The following ANO7 variants were observed in gnomAD, a reference collection of about 807,000 sequenced individuals.
ANO7 encodes the protein anoctamin-7.
Under a neutral mutation model 115.8 loss-of-function variants are expected in ANO7, and 114 were observed. That is an observed-to-expected ratio of 0.98 (90% CI 0.85 to 1.15). The LOEUF is 1.15. Among genes scored for constraint, ANO7 ranks in the 50% most tolerant of loss-of-function variants. ANO7 has a pLI of 0.00. For synonymous variants in ANO7, 550 were observed against 498.2 expected (o/e 1.10, Z -1.38); for missense variants, 1,302 against 1,201.2 (o/e 1.08, Z -1.24).
chr2:241,190,353 C>T (rs1559436399), intron 2 of ANO7, among the ~76,000 whole-genome samples, 182 bp downstream of exon 2: 1 of 152,198 alleles, frequency 6.6e-6, no homozygotes, highest in African/African-American at 2.4e-5. Context: ...GATCACCGCT[C>T]TCCTGGCCTG....
intron 4 of ANO7, among the ~76,000 whole-genome samples, chr2:241,198,027 T>C (rs1243742615): frequency 1.3e-5 from 2 of 152,206 alleles, no homozygotes; most frequent in African/African-American, 4.8e-5. Context: ...GTGGCGTGTG[T>C]GACAGACATC....
At chr2:241,201,818 G>A (rs1357949097) in intron 7 of ANO7, among the ~76,000 whole-genome samples, 1 of 129,818 alleles carries the variant, frequency 7.7e-6, no homozygotes, top group Admixed American at 8.0e-5. Context: ...CAGGTAGGGG[G>A]CAGGGCACAC....
rs2068491014 is a variant in ANO7, at chr2:241,202,303, A to T, written c.722A>T (p.Asp241Val). 1 of 1,612,564 alleles carries T rather than the reference A, an allele frequency of 6.2e-7. No homozygotes were observed. Among genetic ancestry groups the T allele is most frequent in the Non-Finnish European group, 8.5e-7 (1 of 1,179,780 alleles). The change falls in exon 8 of 25, where the codon GAC becomes GTC. Residue 241 changes from aspartate to valine, a missense_variant and splice_region_variant. Physicochemically the swap from Asp to Val is radical, Grantham distance 152 (BLOSUM62 -3). Coordinates refer to ENST00000674324, the MANE Select transcript of ANO7 (RefSeq NM_001370694.2). ...CTCAGTGCCGCCTTCCCCCTGCATG[A>T]CGTGAGCTCGGGGGCTGGGGGCTCC... ...GVLSAAFPLHDGPFKTPPEGP... is the reference protein window; with the variant it reads ...GVLSAAFPLHVGPFKTPPEGP...
At chr2:241,239,508 C>G in the ANO7 span, 1 of 999,682 alleles carries the variant, frequency 1.0e-6, no homozygotes, top group South Asian at 1.4e-5. The surrounding 1 kb of genome is among the most constrained non-coding windows in gnomAD (Gnocchi z 4.6). Flanking sequence ...ATGAGGGAGT[C>G]ACCTCCCTAC....
rs369841112 is a variant in ANO7, at chr2:241,189,873, G to A, written c.-7-184G>A. 1.1e-4 allele frequency among the ~76,000 whole-genome samples: 17 copies of A among 152,276 alleles called. 1 individual carries two copies. The highest frequency in any genetic ancestry group is 6.2e-4 in the South Asian group (3 of 4,826). On this transcript the variant is annotated intron_variant, in intron 1 of 24. Coordinates refer to ENST00000674324, the MANE Select transcript of ANO7 (RefSeq NM_001370694.2). ...CGGCACTGGTTTCTTCCTGGAGCTC[G>A]TGGCTGGCTAGGGGGTTCTCCATGT...
intron 18 of ANO7, among the ~76,000 whole-genome samples, chr2:241,215,676 T>A (rs2068813829): frequency 6.6e-6 from 1 of 152,208 alleles, no homozygotes; most frequent in African/African-American, 2.4e-5. Context: ...TAAGGCAACA[T>A]GCACACATGC....
In ANO7 at chr2:241,218,240, C is replaced by T; in HGVS notation, c.2180C>T (p.Ala727Val). ...CGCGCTGACCCCTCCGGCGCCCAGG[C>T]CTTCCTCCTGGCCTTCTCGTCCGAC... ...GLTHLAVISN[A>V]FLLAFSSDFL... The change falls in exon 21 of 25, where the codon GCC (alanine) becomes GTC (valine). Residue 727 changes from alanine to valine, a missense_variant and splice_region_variant. By Grantham distance (64) the Ala-to-Val change is moderately conservative (BLOSUM62 0). Coordinates refer to ENST00000674324, the MANE Select transcript of ANO7 (RefSeq NM_001370694.2). 2 of 1,504,174 alleles carry T rather than the reference C, an allele frequency of 1.3e-6. No homozygotes were observed. Among genetic ancestry groups the T allele is most frequent in the Non-Finnish European group, 1.8e-6 (2 of 1,132,734 alleles). 93.2% of individuals were successfully genotyped at this position (1,504,174 alleles called of 1,614,324 possible).
rs1177178155 is a variant in ANO7 at position 241,194,386 on chromosome 2, C to T, written c.167-1317C>T. Among the ~76,000 whole-genome samples, 5 of 150,492 alleles carry T rather than the reference C, an allele frequency of 3.3e-5. No homozygotes were observed. In the East Asian group the frequency reaches 9.8e-4, roughly 30 times the overall value. ...CTGGAGTGCAGTGGCGTGATCTCAGCTCACTGCAAGCTCCGTCTCCTGGGT... is the reference window on the plus strand; with the variant it reads ...CTGGAGTGCAGTGGCGTGATCTCAGTTCACTGCAAGCTCCGTCTCCTGGGT... On this transcript the variant is annotated intron_variant, in intron 3 of 24. Transcript: ENST00000674324.
At chr2:241,192,240 G>A (rs573683292) in intron 3 of ANO7, among the ~76,000 whole-genome samples, 5 of 152,304 alleles carry the variant, frequency 3.3e-5, no homozygotes, top group Admixed American at 1.3e-4. Context: ...CAGGAGAATC[G>A]CTTGAACCCA....
chr2:241,210,589 G>A lies in ANO7; in HGVS notation c.1561+19G>A. The A allele has an allele frequency of 1.2e-6, 2 of 1,608,064 alleles. No homozygotes were observed. Among genetic ancestry groups the A allele is most frequent in the South Asian group, 2.2e-5 (2 of 90,986 alleles). ...CGATGGGGTGAGTGGGCTGAGGCCG[G>A]CCAGGCACTGACCAGGGGCCCACCC... is the stretch of plus-strand genomic sequence containing the variant. On this transcript the variant is annotated intron_variant, in intron 15 of 24. Transcript: ENST00000674324.
At chr2:241,220,984 G>GA (rs912670791) in intron 21 of ANO7, among the ~76,000 whole-genome samples, 2 of 150,340 alleles carry the variant, frequency 1.3e-5, no homozygotes, top group African/African-American at 4.9e-5. Context: ...AAAAAAAAAA[G>GA]AAAAAAAGAA....
intron 3 of ANO7, among the ~76,000 whole-genome samples, chr2:241,192,923 G>A (rs2068237787): frequency 6.6e-6 from 1 of 152,080 alleles, no homozygotes; most frequent in East Asian, 1.9e-4. Flanking sequence ...GGACGGGGAG[G>A]GGGAGTTAGT....
At chr2:241,240,308 A>T in the ANO7 span, 3 of 640,772 alleles carry the variant, frequency 4.7e-6, no homozygotes, top group Non-Finnish European at 8.5e-6. The surrounding 1 kb of genome is among the most constrained non-coding windows in gnomAD (Gnocchi z 5.5). Flanking sequence ...GAATACCCAG[A>T]CTGCACACCT....
At chr2:241,240,050 C>T in the ANO7 span, 7 of 1,614,074 alleles carry the variant, frequency 4.3e-6, no homozygotes, top group Admixed American at 3.3e-5. The surrounding 1 kb of genome is among the most constrained non-coding windows in gnomAD (Gnocchi z 5.5). Flanking sequence ...CGAATTTTGC[C>T]GCCCCCCTTG....
chr2:241,224,502 C>A lies in ANO7; in HGVS notation c.*349C>A. Reference sequence around the variant, plus strand: ...TCAGGCAGGTGGGCTTTGTGGTCCTCGCCGCCCCTGGCCACATCGCCCTCT... The same window carrying A: ...TCAGGCAGGTGGGCTTTGTGGTCCTAGCCGCCCCTGGCCACATCGCCCTCT... On this transcript the variant is annotated 3_prime_UTR_variant, in exon 25 of 25. Transcript: ENST00000674324. 1 of 317,648 alleles carries A rather than the reference C, an allele frequency of 3.1e-6. No individual in the cohort carries two copies. Among genetic ancestry groups the A allele is most frequent in the Non-Finnish European group, 6.0e-6 (1 of 167,556 alleles). The allele number at this position is 317,648 out of a possible 1,614,324, so 19.7% of individuals were successfully genotyped here.
At chr2:241,230,656 C>T, downstream of ANO7, 6 of 1,002,250 alleles carry the variant, frequency 6.0e-6, no homozygotes, top group Non-Finnish European at 9.0e-6. The surrounding 1 kb of genome is among the most constrained non-coding windows in gnomAD (Gnocchi z 5.0). Context: ...GGGTTGTGGC[C>T]TCATCATCTT....
Position 241,210,254 on chromosome 2 carries a change from A to G in ANO7, c.1360-41A>G, listed in dbSNP as rs184514070. 2.5e-5 allele frequency: 40 copies of G among 1,600,752 alleles called. No homozygotes were observed. In the Admixed American group the frequency reaches 6.7e-4, roughly 27 times the overall value. On this transcript the variant is annotated intron_variant, in intron 13 of 24. Transcript: ENST00000674324. Reference sequence around the variant, plus strand: ...TGGCCTGAGGGTGCTGGGGTGCCCAAGACACCGTGAAGGGTCTCACGGGCC... The same window carrying G: ...TGGCCTGAGGGTGCTGGGGTGCCCAGGACACCGTGAAGGGTCTCACGGGCC...
chr2:241,213,574 G>A (rs776286459), intron 17 of ANO7, among the ~76,000 whole-genome samples: 5 of 152,172 alleles, frequency 3.3e-5, no homozygotes, highest in East Asian at 3.9e-4. Context: ...CCAAGACACC[G>A]TAGAGAAGCC....
intron 3 of ANO7, among the ~76,000 whole-genome samples, chr2:241,192,705 A>C (rs540046768): frequency 6.6e-6 from 1 of 152,342 alleles, no homozygotes; most frequent in East Asian, 1.9e-4. Context: ...TAGATAAGCA[A>C]AATGTGGTAT....
Sources: allele counts gnomAD v4.1 joint callset (sites outside exome capture counted in the v4.1 genomes callset), GRCh38; gene constraint gnomAD v4.1.1; non-coding constraint Gnocchi (gnomAD v3.1); transcripts MANE v1.5; gene names NCBI Gene and HGNC (gene_info 2026-07-23, HGNC 2026-07-21).